The following GCN1 variants were observed in gnomAD, a reference collection of about 807,000 sequenced individuals.
GCN1 encodes the protein stalled ribosome sensor GCN1.
Under a neutral mutation model 288.4 loss-of-function variants are expected in GCN1, and 90 were observed. The observed-to-expected ratio is 0.31, with a 90% CI of 0.26 to 0.37. GCN1 has a LOEUF of 0.37. Among genes scored for constraint, GCN1 ranks in the 10% least tolerant of loss-of-function variants. GCN1 has a pLI of 1.00. For missense variants in GCN1, 2,586 were observed against 3,419.9 expected, an observed-to-expected ratio of 0.76 and a Z score of 6.08; for synonymous variants, 1,386 against 1,420.2, an observed-to-expected ratio of 0.98 and a Z score of 0.54.
chr12:120,194,555 A>G, intron 1 of GCN1, 125 bp downstream of exon 1: 1 of 928,750 alleles, frequency 1.1e-6, no homozygotes, highest in Non-Finnish European at 1.6e-6. Context: ...GACGGCCCCG[A>G]GACTACGACC....
Position 120,179,110 on chromosome 12 carries a change from C to T in GCN1, c.427-160G>A, listed in dbSNP as rs1878569819. ...TCCAGCCAGCTCCTCTTCCCTCCAC[C>T]CCACACATTTAGTTCTGTCCTTTAA... On this transcript the variant is annotated intron_variant, in intron 5 of 57. Coordinates refer to ENST00000300648, the MANE Select transcript of GCN1 (RefSeq NM_006836.2). Among the ~76,000 whole-genome samples, 3 of 152,222 alleles carry T rather than the reference C, an allele frequency of 2.0e-5. No individual in the cohort carries two copies. The South Asian group carries it at 6.2e-4, about 32-fold the overall frequency.
intron 36 of GCN1, 25 bp downstream of exon 36, chr12:120,149,581 A>G (rs2139100431): frequency 1.3e-6 from 2 of 1,507,048 alleles, no homozygotes; most frequent in African/African-American, 1.4e-5. Flanking sequence ...GAAGCTGGGA[A>G]GAGAGGCAGA....
At position 120,177,924 on chromosome 12, in the gene GCN1, A is replaced by AG. The variant is rs1160432514; in HGVS notation, c.661-173dup. The AG allele has an allele frequency of 4.8e-6, 3 of 622,066 alleles. No homozygotes were observed. In the East Asian group the frequency reaches 8.2e-5, roughly 17 times the overall value. 38.5% of individuals were successfully genotyped at this position (622,066 alleles called of 1,614,324 possible). ...GCAACCCCACTTAAAACCCTTCCAC[A>AG]GCTTTCCATGGCCCCCGGGATAAAG... On this transcript the variant is annotated intron_variant, in intron 7 of 57. Coordinates refer to ENST00000300648, the MANE Select transcript of GCN1 (RefSeq NM_006836.2).
At chr12:120,176,363 G>A (rs1468223517) in intron 9 of GCN1, 146 bp from the exon 10 acceptor site, 2 of 613,286 alleles carry the variant, frequency 3.3e-6, no homozygotes, top group Admixed American at 2.9e-5. Flanking sequence ...CCAAAGCTCT[G>A]CTGAAAAGCT....
rs1877514564 is a variant in GCN1 at position 120,150,671 on chromosome 12, T to TTCATGCCTGTAA, written c.4309+462_4309+473dup. Among the ~76,000 whole-genome samples, 3 of 147,524 alleles carry TTCATGCCTGTAA rather than the reference T, an allele frequency of 2.0e-5. No homozygotes were observed. The South Asian group carries it at 6.4e-4, about 32-fold the overall frequency. On this transcript the variant is annotated intron_variant, in intron 34 of 57. Coordinates refer to ENST00000300648, the MANE Select transcript of GCN1 (RefSeq NM_006836.2). Reference sequence around the variant, plus strand: ...AGAAATTTGTGGCCGGGCGCGGTGGTTCATGCCTGTAATCCCAGCACTTTG... The same window carrying TTCATGCCTGTAA: ...AGAAATTTGTGGCCGGGCGCGGTGGTTCATGCCTGTAATCATGCCTGTAATCCCAGCACTTTG...
At chr12:120,188,460 C>CAAAAA (rs1566322047) in intron 2 of GCN1, among the ~76,000 whole-genome samples, 1 of 140,190 alleles carries the variant, frequency 7.1e-6, no homozygotes, top group Non-Finnish European at 1.5e-5. Flanking sequence ...AAAAAAAAAC[C>CAAAAA]TCTCCCAACT....
Position 120,158,395 on chromosome 12 carries a change from CT to C in GCN1, c.2905+64del. On this transcript the variant is annotated intron_variant, in intron 25 of 57. Transcript: ENST00000300648. This position sits in a 1 kb window ranked among gnomAD's most constrained non-coding sequence, Gnocchi z 4.3. Reference sequence around the variant, plus strand: ...CAGGAGGCCCTGGGTGACGCTGTGCCTTGAGCAGCATTCCTGGCACCAGCTC... The same window carrying C: ...CAGGAGGCCCTGGGTGACGCTGTGCCTGAGCAGCATTCCTGGCACCAGCTC... 7.2e-7 allele frequency: 1 copy of C among 1,390,024 alleles called. No individual in the cohort carries two copies. Among genetic ancestry groups the C allele is most frequent in the Non-Finnish European group, 9.7e-7 (1 of 1,026,858 alleles). The allele number at this position is 1,390,024 out of a possible 1,614,324, so 86.1% of individuals were successfully genotyped here.
Position 120,149,715 on chromosome 12 carries a change from T to C in GCN1, c.4437A>G (p.Ala1479=). 6.2e-7 allele frequency: 1 copy of C among 1,613,452 alleles called. No homozygotes were observed. Among genetic ancestry groups the C allele is most frequent in the South Asian group, 1.1e-5 (1 of 91,064 alleles). Residue 1479 remains alanine, a synonymous_variant, in exon 36 of 58, where the codon GCA becomes GCG. Coordinates refer to ENST00000300648, the MANE Select transcript of GCN1 (RefSeq NM_006836.2). ...TCATCACAGCCTTGGCACAGTCATC[T>C]GCAGCCTCAAGGGGGGAGAAAACAC... The part of the protein sequence containing the change: ...GDGNQYVREA[A]DDCAKAVMSN...
intron 57 of GCN1, among the ~76,000 whole-genome samples, chr12:120,128,588 G>A (rs1876697961): frequency 6.6e-6 from 1 of 152,010 alleles, no homozygotes; most frequent in Non-Finnish European, 1.5e-5. Flanking sequence ...CGCCCACCTT[G>A]GCCTCCCAAA....
In GCN1 at chr12:120,137,951, C is replaced by A; in HGVS notation, c.6343G>T (p.Ala2115Ser). 1 of 1,614,178 alleles carries A rather than the reference C, an allele frequency of 6.2e-7. No individual in the cohort carries two copies. The highest frequency in any genetic ancestry group is 8.5e-7 in the Non-Finnish European group (1 of 1,180,026). ...LTRHLGVILP[A>S]VMLALKEKLG... ...TTTTCCTTCAGGGCCAGCATGACCGCTGGGAGGATCACGCCAAGATGACGG... is the reference window on the plus strand; with the variant it reads ...TTTTCCTTCAGGGCCAGCATGACCGATGGGAGGATCACGCCAAGATGACGG... Residue 2115 changes from alanine to serine, a missense_variant, in exon 48 of 58, where the codon GCG becomes TCG. Ala to Ser is a moderately conservative substitution (Grantham distance 99, BLOSUM62 1). Around this residue, in one of 8 missense-constraint regions of GCN1, gnomAD observed 437 missense variants for 570.5 expected, o/e 0.77. Transcript: ENST00000300648. The surrounding 1 kb of genome is among the most constrained non-coding windows in gnomAD (Gnocchi z 5.2).
chr12:120,182,218 C>A (rs1252522949), intron 5 of GCN1, among the ~76,000 whole-genome samples: 2 of 152,032 alleles, frequency 1.3e-5, no homozygotes, highest in African/African-American at 2.4e-5. Context: ...CTTGCCCCTT[C>A]TTACAAGGAG....
At chr12:120,169,341 A>T (rs1475747237) in intron 15 of GCN1, among the ~76,000 whole-genome samples, 2 of 148,592 alleles carry the variant, frequency 1.3e-5, no homozygotes, top group Non-Finnish European at 3.0e-5. Context: ...TGTAGCCACA[A>T]AAAATAATGA....
At chr12:120,136,436 C>G (rs922393491) in intron 51 of GCN1, 66 bp downstream of exon 51, 2 of 1,228,654 alleles carry the variant, frequency 1.6e-6, no homozygotes, top group Non-Finnish European at 2.4e-6. Flanking sequence ...CTACATGACA[C>G]CTTGTATCAG....
chr12:120,148,403 A>G, intron 36 of GCN1, 57 bp from the exon 37 acceptor site: 1 of 1,416,352 alleles, frequency 7.1e-7, no homozygotes. Context: ...CCAGCAACTC[A>G]CCTGTGCTGG....
intron 1 of GCN1, 27 bp downstream of exon 1, chr12:120,194,653 C>T (rs1159766381): frequency 2.0e-6 from 3 of 1,513,818 alleles, no homozygotes; most frequent in Admixed American, 4.0e-5. Flanking sequence ...TCCCTGGCCG[C>T]GTTGGCCCCG....
intron 24 of GCN1, 45 bp downstream of exon 24, chr12:120,159,780 G>A (rs1227998284): frequency 6.4e-7 from 1 of 1,557,386 alleles, no homozygotes; most frequent in South Asian, 1.1e-5. Flanking sequence ...CAAGCACTCA[G>A]GGGCACCCCT....
chr12:120,181,797 C>T (rs1878671884), intron 5 of GCN1, among the ~76,000 whole-genome samples: 1 of 144,766 alleles, frequency 6.9e-6, no homozygotes, highest in Non-Finnish European at 1.5e-5. Flanking sequence ...CGAGATCGCG[C>T]CATTGCACTC....
intron 2 of GCN1, among the ~76,000 whole-genome samples, chr12:120,187,506 A>G (rs7960843): frequency 0.63 from 95,327 of 151,798 alleles, 30,905 homozygotes; most frequent in East Asian, 0.98. Context: ...GTGAGCCACC[A>G]AGCCCAGCCA....
intron 7 of GCN1, 182 bp from the exon 8 acceptor site, chr12:120,177,934 G>A (rs1315864009): frequency 4.9e-6 from 3 of 613,104 alleles, no homozygotes; most frequent in East Asian, 2.8e-5. Flanking sequence ...AGCTTTCCAT[G>A]GCCCCCGGGA....
Sources: allele counts gnomAD v4.1 joint callset (sites outside exome capture counted in the v4.1 genomes callset), GRCh38; gene constraint gnomAD v4.1.1; regional missense constraint gnomAD v4.1.1; non-coding constraint Gnocchi (gnomAD v3.1); transcripts MANE v1.5; gene names NCBI Gene and HGNC (gene_info 2026-07-23, HGNC 2026-07-21).